Variants in TEX36 observed in about 807,000 individuals in gnomAD.
TEX36 encodes the protein testis expressed 36.
A neutral mutation model predicts 13.6 loss-of-function variants in TEX36; 12 were observed. The ratio of observed to expected loss-of-function variants is 0.88; its 90% confidence interval spans 0.56 to 1.43. The LOEUF (loss-of-function observed/expected upper bound fraction) is 1.43, where lower values mean the gene tolerates loss of function less well. Among genes scored for constraint, TEX36 ranks in the 40% most tolerant of loss-of-function variants. The pLI, the probability that TEX36 is intolerant of heterozygous loss-of-function variation, is 0.00. For missense variants in TEX36, 224 were observed against 228.3 expected (o/e 0.98, Z 0.12); for synonymous variants, 93 against 83.0 (o/e 1.12, Z -0.65).
intron 3 of TEX36, among the ~76,000 whole-genome samples, chr10:125,598,844 T>G (rs1285690950): frequency 6.6e-6 from 1 of 152,220 alleles, no homozygotes; most frequent in Non-Finnish European, 1.5e-5. Context: ...AACATTGAGC[T>G]GTCTTGAAAA....
At chr10:125,656,904 G>A (rs1185102560) in intron 3 of TEX36, among the ~76,000 whole-genome samples, 1 of 152,038 alleles carries the variant, frequency 6.6e-6, no homozygotes, top group African/African-American at 2.4e-5. Context: ...CACTCAGTGG[G>A]ACCAATGATG....
chr10:125,648,445 A>C (rs1316703742), intron 3 of TEX36, among the ~76,000 whole-genome samples: 1 of 152,240 alleles, frequency 6.6e-6, no homozygotes. Flanking sequence ...GAGGGTCCTG[A>C]CTGTTAGAAG....
At chr10:125,604,919 G>A (rs60553422) in intron 3 of TEX36, among the ~76,000 whole-genome samples, 11,756 of 134,718 alleles carry the variant, frequency 0.087, 1,426 homozygotes, top group African/African-American at 0.29. Flanking sequence ...GGCTCCCACC[G>A]ATTCTACATG....
chr10:125,675,901 T>G (rs1235381353), intron 1 of TEX36, among the ~76,000 whole-genome samples: 1 of 152,252 alleles, frequency 6.6e-6, no homozygotes, highest in Non-Finnish European at 1.5e-5. Context: ...GCATGTTGTT[T>G]AATTCCTATG....
intron 3 of TEX36, among the ~76,000 whole-genome samples, chr10:125,648,645 T>A (rs1846808097): frequency 6.6e-6 from 1 of 152,126 alleles, no homozygotes; most frequent in South Asian, 2.1e-4. Context: ...CAAAGCTGGA[T>A]GGAGAATGAC....
At chr10:125,593,404 C>T (rs1188331283) in intron 3 of TEX36, among the ~76,000 whole-genome samples, 1 of 152,238 alleles carries the variant, frequency 6.6e-6, no homozygotes, top group Non-Finnish European at 1.5e-5. Flanking sequence ...CTAGACTTCT[C>T]ATCCTGCTTC....
chr10:125,589,592 T>C (rs1845998850), intron 3 of TEX36, among the ~76,000 whole-genome samples: 1 of 152,232 alleles, frequency 6.6e-6, no homozygotes, highest in African/African-American at 2.4e-5. Flanking sequence ...TTGAGTTTTA[T>C]TAAAATATTT....
At chr10:125,585,212 C>T (rs1481667670) in intron 3 of TEX36, among the ~76,000 whole-genome samples, 1 of 152,036 alleles carries the variant, frequency 6.6e-6, no homozygotes, top group Non-Finnish European at 1.5e-5. Flanking sequence ...AAGGTGTGTC[C>T]CGAGGGGCTG....
At chr10:125,579,047 T>G (rs1256168440) in intron 3 of TEX36, among the ~76,000 whole-genome samples, 8 of 152,186 alleles carry the variant, frequency 5.3e-5, no homozygotes, top group Non-Finnish European at 1.5e-5. Flanking sequence ...CAGAAAGGAC[T>G]CCTGATTAGT....
At position 125,656,117 on chromosome 10, in the gene TEX36, A is replaced by T. The variant is rs1240653264; in HGVS notation, c.344T>A (p.Val115Asp). ...RNFNLWACDY[V>D]PSCLDGFSNN... Reference sequence around the variant, plus strand: ...TGAAAAGCCATCAAGACAAGATGGAACATAGTCACATGCCCAGAGATTAAA... The same window carrying T: ...TGAAAAGCCATCAAGACAAGATGGATCATAGTCACATGCCCAGAGATTAAA... The change falls in exon 4 of 4, where the codon GTT becomes GAT. Residue 115 changes from valine to aspartate, a missense_variant. Physicochemically the swap from Val to Asp is radical, Grantham distance 152. Transcript: ENST00000368821. 6.4e-7 allele frequency: 1 copy of T among 1,550,494 alleles called. No homozygotes were observed. The highest frequency in any genetic ancestry group is 1.2e-5 in the South Asian group (1 of 83,890).
Position 125,606,408 on chromosome 10 carries a change from C to A in TEX36, c.265-29534G>T, listed in dbSNP as rs80314769. On this transcript the variant is annotated intron_variant, in intron 3 of 3. Coordinates refer to the TEX36 transcript ENST00000532135. ...AAACAGTTTAACCTTTAAACCAAGTCATGTACACCATTTTACTCCTAGAAA... is the reference window on the plus strand; with the variant it reads ...AAACAGTTTAACCTTTAAACCAAGTAATGTACACCATTTTACTCCTAGAAA... Among the ~76,000 whole-genome samples the A allele has an allele frequency of 7.9e-3, 1,210 of 152,340 alleles. 7 individuals carry two copies. The highest frequency in any genetic ancestry group is 0.027 in the Middle Eastern group (8 of 294).
At chr10:125,631,582 CA>C (rs921878397) in intron 3 of TEX36, among the ~76,000 whole-genome samples, 13 of 152,110 alleles carry the variant, frequency 8.5e-5, no homozygotes, top group Non-Finnish European at 1.6e-4. Flanking sequence ...ATGGAGTGAC[CA>C]GGGGCAGCGT....
At chr10:125,617,301 T>C (rs536592607), downstream of TEX36, among the ~76,000 whole-genome samples, 1 of 152,250 alleles carries the variant, frequency 6.6e-6, no homozygotes, top group African/African-American at 2.4e-5. Flanking sequence ...AAGTTAATAT[T>C]GTTATGTATG....
chr10:125,669,293 AAAAATAAATAAAT>A (rs1847180341), intron 1 of TEX36, among the ~76,000 whole-genome samples: 2 of 152,088 alleles, frequency 1.3e-5, no homozygotes, highest in East Asian at 1.9e-4. Flanking sequence ...CCATCTCAAA[AAAAATAAATAAAT>A]AAAATAAATA....
chr10:125,674,315 T>A (rs1351840888), intron 1 of TEX36, among the ~76,000 whole-genome samples: 1 of 152,194 alleles, frequency 6.6e-6, no homozygotes, highest in Non-Finnish European at 1.5e-5. Flanking sequence ...GATTAACAGC[T>A]CCTGTTATGT....
At chr10:125,587,719 G>A (rs148982877) in intron 3 of TEX36, among the ~76,000 whole-genome samples, 1 of 149,384 alleles carries the variant, frequency 6.7e-6, no homozygotes, top group Non-Finnish European at 1.5e-5. Context: ...CTGGGAGGTA[G>A]AGGTTGCAGT....
chr10:125,621,727 T>C, intron 3 of TEX36: 1 of 450,266 alleles, frequency 2.2e-6, no homozygotes, highest in Non-Finnish European at 4.5e-6. Context: ...TAGCCTTCCA[T>C]CTGTGGCCAA....
intron 3 of TEX36, among the ~76,000 whole-genome samples, chr10:125,600,717 C>A (rs1387576800): frequency 6.6e-6 from 1 of 152,158 alleles, no homozygotes; most frequent in Non-Finnish European, 1.5e-5. Flanking sequence ...GGACAACTGT[C>A]CCATCTTTAA....
chr10:125,580,091 A>G (rs895284149), intron 3 of TEX36, among the ~76,000 whole-genome samples: 5 of 152,238 alleles, frequency 3.3e-5, no homozygotes, highest in Non-Finnish European at 5.9e-5. Flanking sequence ...CTGAAAAGGC[A>G]TGGTCTGTAT....
Sources: allele counts gnomAD v4.1 joint callset (sites outside exome capture counted in the v4.1 genomes callset), GRCh38; gene constraint gnomAD v4.1.1; transcripts MANE v1.5; gene names NCBI Gene and HGNC (gene_info 2026-07-23, HGNC 2026-07-21).